The following OVCH1 variants were observed in gnomAD, a reference collection of about 807,000 sequenced individuals.
OVCH1 encodes ovochymase 1.
A neutral mutation model predicts 138.4 loss-of-function variants in OVCH1; 139 were observed. The observed-to-expected ratio is 1.00, with a 90% CI of 0.87 to 1.16. The LOEUF (loss-of-function observed/expected upper bound fraction) is 1.16. OVCH1 is among the 50% of genes most tolerant of loss of function. The pLI is 0.00. For synonymous variants in OVCH1, 453 were observed against 467.8 expected (o/e 0.97, Z 0.41); for missense variants, 1,367 against 1,357.9 (o/e 1.01, Z -0.11).
intron 7 of OVCH1, chr12:29,486,796 T>C: frequency 2.5e-6 from 1 of 395,738 alleles, no homozygotes; most frequent in East Asian, 7.5e-5. Flanking sequence ...AATGAACCAT[T>C]AATGTCTGAT....
At chr12:29,427,757 CAG>C (rs1266888781) in intron 27 of OVCH1, 1 of 1,434,100 alleles carries the variant, frequency 7.0e-7, no homozygotes, top group African/African-American at 1.4e-5. Context: ...AGAGTAGCAA[CAG>C]GGGTCTATAT....
intron 27 of OVCH1, among the ~76,000 whole-genome samples, chr12:29,430,228 C>A (rs1941245598): frequency 6.8e-6 from 1 of 146,596 alleles, no homozygotes; most frequent in Non-Finnish European, 1.5e-5. Context: ...CCCATAACTG[C>A]ATAAAACATA....
Position 29,435,089 on chromosome 12 carries a change from C to T in OVCH1, c.3265-1276G>A, listed in dbSNP as rs560858000. ...AGCAAGTATATTTGAGCTTTAGCTA[C>T]ATATAACCTTCATTTATCCACAGTG... On this transcript the variant is annotated intron_variant, in intron 26 of 27. Coordinates refer to ENST00000318184, the Ensembl canonical transcript of OVCH1. Among the ~76,000 whole-genome samples the T allele has an allele frequency of 1.6e-4, 24 of 152,358 alleles. No individual in the cohort carries two copies. The South Asian group carries it at 4.1e-3, about 26-fold the overall frequency.
chr12:29,428,318 A>G lies in OVCH1; in HGVS notation c.3328-670T>C, dbSNP rs970904467. Among the ~76,000 whole-genome samples the G allele has an allele frequency of 2.0e-5, 3 of 152,274 alleles. No homozygotes were observed. The South Asian group carries it at 6.2e-4, about 32-fold the overall frequency. On this transcript the variant is annotated intron_variant, in intron 27 of 27. Transcript: ENST00000318184. Reference sequence around the variant, plus strand: ...CAGAAACCAATTCAGAACAAAGTCCATTTCCTTAGACCCTCTCCAAAATTA... The same window carrying G: ...CAGAAACCAATTCAGAACAAAGTCCGTTTCCTTAGACCCTCTCCAAAATTA...
exon 25 of OVCH1, chr12:29,443,458 C>G (rs1459184925): frequency 6.2e-7 from 1 of 1,609,612 alleles, no homozygotes. Context: ...TAATATTAAG[C>G]TGAATGATGT....
exon 26 of OVCH1, chr12:29,439,384 T>G: frequency 6.4e-7 from 1 of 1,566,842 alleles, no homozygotes; most frequent in Non-Finnish European, 8.6e-7. Flanking sequence ...AGTTTTTCTC[T>G]TTTTAATATG....
chr12:29,443,389 T>G lies in OVCH1; in HGVS notation c.3129A>C (p.Glu1043Asp), dbSNP rs1941536282. ...TTAATTTTTTTCCTGGTCCAAATCC[T>G]TCGTAAACACGCAGATGACCATGAC... The change falls in exon 25 of 28, where the codon GAA (glutamate) becomes GAC (aspartate). Residue 1043 changes from glutamate (E) to aspartate (D), a missense_variant. Coordinates refer to ENST00000318184, the Ensembl canonical transcript of OVCH1. 6.2e-7 allele frequency: 1 copy of G among 1,611,700 alleles called. No individual in the cohort carries two copies.
At chr12:29,470,028 G>T (rs545737676) in intron 16 of OVCH1, among the ~76,000 whole-genome samples, 1 of 152,068 alleles carries the variant, frequency 6.6e-6, no homozygotes, top group Non-Finnish European at 1.5e-5. Context: ...ACAGCCACAT[G>T]GCTTACTCTA....
downstream of OVCH1, among the ~76,000 whole-genome samples, chr12:29,410,209 G>A (rs36150645): frequency 0.2 from 23,883 of 119,598 alleles, 3,407 homozygotes; most frequent in Middle Eastern, 0.43. Flanking sequence ...GTGTCTCTGC[G>A]TGTGAGATGG....
At chr12:29,462,888 C>T (rs1050114970) in intron 18 of OVCH1, among the ~76,000 whole-genome samples, 1 of 152,144 alleles carries the variant, frequency 6.6e-6, no homozygotes, top group East Asian at 1.9e-4. Context: ...TACTAAAACT[C>T]CTCTTCTTGG....
intron 14 of OVCH1, among the ~76,000 whole-genome samples, chr12:29,473,538 C>G (rs1403045353): frequency 1.3e-5 from 2 of 152,104 alleles, no homozygotes; most frequent in Non-Finnish European, 2.9e-5. Flanking sequence ...GATATCCCCA[C>G]TTGGATTTCC....
chr12:29,456,452 G>A (rs1450316909), intron 19 of OVCH1, among the ~76,000 whole-genome samples: 1 of 152,164 alleles, frequency 6.6e-6, no homozygotes, highest in Non-Finnish European at 1.5e-5. Context: ...CAAGCACTAA[G>A]AAGCTCTCGT....
downstream of OVCH1, chr12:29,423,214 T>G: frequency 2.2e-6 from 1 of 455,878 alleles, no homozygotes. Context: ...CCTCTTTCTC[T>G]CAGACTCATC....
In OVCH1 at chr12:29,445,223, T is replaced by A. The variant is rs10160999; in HGVS notation, c.2881+55A>T. On this transcript the variant is annotated intron_variant, in intron 23 of 27. Coordinates refer to ENST00000318184, the Ensembl canonical transcript of OVCH1. Reference sequence around the variant, plus strand: ...GTATATGTTTGGAAATATTCCTAAATAGAGTAATATTGATTTCTTTAGCCT... The same window carrying A: ...GTATATGTTTGGAAATATTCCTAAAAAGAGTAATATTGATTTCTTTAGCCT... The A allele has an allele frequency of 0.015, 23,045 of 1,493,498 alleles. 1,720 individuals carry two copies. In the African/African-American group the frequency reaches 0.21, roughly 14 times the overall value. The allele number at this position is 1,493,498 out of a possible 1,614,324, so 92.5% of individuals were successfully genotyped here. A position where few individuals can be genotyped will look rare whatever the true frequency, so the allele number is the denominator to read the frequency against.
chr12:29,485,958 TA>T (rs1357049394), intron 8 of OVCH1, among the ~76,000 whole-genome samples: 402 of 102,874 alleles, frequency 3.9e-3, no homozygotes, highest in African/African-American at 0.014. Flanking sequence ...ATAAATAAAA[TA>T]AAATAAAATA....
Position 29,439,562 on chromosome 12 carries a change from G to GTACTT in OVCH1, c.3158-133_3158-129dup, listed in dbSNP as rs1941435305. The GTACTT allele has an allele frequency of 3.4e-6, 4 of 1,183,836 alleles. No homozygotes were observed. The South Asian group carries it at 6.6e-5, about 19-fold the overall frequency. 73.3% of individuals were successfully genotyped at this position (1,183,836 alleles called of 1,614,324 possible). A position where few individuals can be genotyped will look rare whatever the true frequency, so the allele number is the denominator to read the frequency against. ...TCTACTACAACTACTGCTACTCTCG[G>GTACTT]TACTTTACCTCTCACACCAGATGTA... On this transcript the variant is annotated intron_variant, in intron 25 of 27. Transcript: ENST00000318184.
At chr12:29,418,408 A>C (rs1941059770) in intron 3 of OVCH1, among the ~76,000 whole-genome samples, 1 of 152,242 alleles carries the variant, frequency 6.6e-6, no homozygotes, top group Non-Finnish European at 1.5e-5. Flanking sequence ...AATCTTCTGT[A>C]GACCTCCATC....
At chr12:29,479,814 T>C in intron 8 of OVCH1, among the ~76,000 whole-genome samples, 2 of 130,000 alleles carry the variant, frequency 1.5e-5, no homozygotes, top group East Asian at 4.7e-4. Flanking sequence ...AATTGGCAAC[T>C]CTTTTTTTTC....
downstream of OVCH1, among the ~76,000 whole-genome samples, chr12:29,410,001 G>A (rs188252808): frequency 3.2e-4 from 49 of 152,204 alleles, no homozygotes; most frequent in East Asian, 8.3e-3. Flanking sequence ...CCTGTATTGG[G>A]TGCGTATATA....
Sources: gnomAD v4.1 joint callset for allele counts (sites outside exome capture counted in the v4.1 genomes callset) on GRCh38, gnomAD v4.1.1 for gene constraint, MANE v1.5 for transcripts, NCBI Gene and HGNC (gene_info 2026-07-23, HGNC 2026-07-21) for gene names.